ME1: variants seen among roughly 807,000 people sequenced by gnomAD.
ME1 encodes the protein NADP-dependent malic enzyme.
In ME1, 74 loss-of-function variants were observed where a neutral mutation model predicts 66.4. The observed-to-expected ratio is 1.11, with a 90% confidence interval of 0.92 to 1.35. ME1 has a LOEUF of 1.35. ME1 is among the 40% of genes most tolerant of loss of function. The pLI is 0.00. For missense variants in ME1, 750 were observed against 694.1 expected (o/e 1.08, Z -0.90); for synonymous variants, 251 against 235.6 (o/e 1.07, Z -0.60).
intron 6 of ME1, among the ~76,000 whole-genome samples, chr6:83,271,777 T>A (rs1399621563): frequency 6.6e-6 from 1 of 152,146 alleles, no homozygotes; most frequent in Non-Finnish European, 1.5e-5. Flanking sequence ...TGTAAAGACA[T>A]AGCAAGTTAT....
At chr6:83,361,450 C>T (rs776683832) in intron 3 of ME1, among the ~76,000 whole-genome samples, 61 of 152,162 alleles carry the variant, frequency 4.0e-4, no homozygotes, top group South Asian at 8.3e-4. Context: ...GAGTGGGGTC[C>T]AAAACAGGAA....
intron 6 of ME1, among the ~76,000 whole-genome samples, chr6:83,282,927 C>T (rs1199535014): frequency 3.9e-5 from 6 of 151,998 alleles, no homozygotes; most frequent in Admixed American, 3.3e-4. Context: ...TACTATGCAG[C>T]CATAAAAAAT....
At chr6:83,409,420 C>G (rs909232852) in intron 1 of ME1, among the ~76,000 whole-genome samples, 5 of 152,126 alleles carry the variant, frequency 3.3e-5, no homozygotes, top group Admixed American at 1.3e-4. Flanking sequence ...AAGTGTATTA[C>G]TAGAGGGAAA....
intron 6 of ME1, among the ~76,000 whole-genome samples, chr6:83,264,168 C>A (rs1766947086): frequency 6.6e-6 from 1 of 152,198 alleles, no homozygotes; most frequent in South Asian, 2.1e-4. Flanking sequence ...TCTGTCTGTG[C>A]TCTATAAATG....
intron 3 of ME1, among the ~76,000 whole-genome samples, chr6:83,393,608 C>CAA (rs11394593): frequency 3.4e-3 from 368 of 109,620 alleles, no homozygotes; most frequent in African/African-American, 0.01. Flanking sequence ...CTGTGCTTGC[C>CAA]AAAAAAAAAA....
chr6:83,344,941 T>C (rs1768660426), intron 5 of ME1, among the ~76,000 whole-genome samples: 1 of 151,692 alleles, frequency 6.6e-6, no homozygotes, highest in Admixed American at 6.6e-5. Context: ...ATGCAACTTA[T>C]CACATAACAA....
intron 6 of ME1, among the ~76,000 whole-genome samples, chr6:83,264,455 T>C (rs549466481): frequency 1.3e-5 from 2 of 152,322 alleles, no homozygotes; most frequent in African/African-American, 4.8e-5. Flanking sequence ...CCTAAAGTTA[T>C]TGCTACCCTA....
intron 9 of ME1, among the ~76,000 whole-genome samples, chr6:83,230,245 C>T (rs758266867): frequency 2.0e-5 from 3 of 151,632 alleles, no homozygotes; most frequent in East Asian, 1.9e-4. Flanking sequence ...GGCGCGATCT[C>T]GGCTCACCGC....
chr6:83,396,957 C>T (rs967904745), intron 3 of ME1, among the ~76,000 whole-genome samples: 1 of 151,814 alleles, frequency 6.6e-6, no homozygotes, highest in Non-Finnish European at 1.5e-5. Flanking sequence ...GAAATTAGAC[C>T]CTTATTTCAC....
At position 83,212,109 on chromosome 6, in the gene ME1, A is replaced by G. The variant is rs1171545133; in HGVS notation, c.1549-15T>C. On this transcript the variant is annotated splice_polypyrimidine_tract_variant and intron_variant, in intron 13 of 13. Transcript: ENST00000369705. ...TCTTTCACAATCTAGATATAAGAAAAGAATATTAATTATTTTAATAAATAG... is the reference window on the plus strand; with the variant it reads ...TCTTTCACAATCTAGATATAAGAAAGGAATATTAATTATTTTAATAAATAG... 1.0e-5 allele frequency: 16 copies of G among 1,562,162 alleles called. No homozygotes were observed. Among genetic ancestry groups the G allele is most frequent in the Non-Finnish European group, 1.2e-5 (14 of 1,148,000 alleles).
At chr6:83,289,512 G>A (rs1424999108) in intron 6 of ME1, among the ~76,000 whole-genome samples, 2 of 151,924 alleles carry the variant, frequency 1.3e-5, no homozygotes, top group African/African-American at 4.8e-5. Flanking sequence ...ACTTGATCGT[G>A]GTGGATAAGC....
At chr6:83,334,092 C>T (rs1375007143) in intron 5 of ME1, among the ~76,000 whole-genome samples, 1 of 152,128 alleles carries the variant, frequency 6.6e-6, no homozygotes, top group African/African-American at 2.4e-5. Flanking sequence ...ACAGTGGGCG[C>T]AGGCCAGTGT....
At chr6:83,305,567 GC>G (rs146277683) in intron 6 of ME1, among the ~76,000 whole-genome samples, 8,532 of 152,204 alleles carry the variant, frequency 0.056, 455 homozygotes, top group African/African-American at 0.13. Flanking sequence ...TAAGGAACAT[GC>G]CTTGAGAGTT....
At chr6:83,375,892 A>G (rs1419104888) in intron 3 of ME1, among the ~76,000 whole-genome samples, 2 of 152,192 alleles carry the variant, frequency 1.3e-5, no homozygotes, top group African/African-American at 4.8e-5. Context: ...GTAATGGATT[A>G]CATTAATTGA....
intron 6 of ME1, among the ~76,000 whole-genome samples, chr6:83,314,729 T>A (rs889256671): frequency 6.6e-6 from 1 of 152,180 alleles, no homozygotes; most frequent in Admixed American, 6.5e-5. Context: ...GTGATTTGGA[T>A]AAGAGACTCT....
At chr6:83,350,971 CAAAAAAAAAAAAA>C (rs34259968) in intron 4 of ME1, among the ~76,000 whole-genome samples, 3 of 55,784 alleles carry the variant, frequency 5.4e-5, no homozygotes, top group South Asian at 1.0e-3. Context: ...GTGGAGAAAG[CAAAAAAAAAAAAA>C]AAAAAAAAAA....
rs746831545 is a variant in ME1, at chr6:83,212,058, C to A, written c.1585G>T (p.Val529Phe). The change falls in exon 14 of 14, where the codon GTT becomes TTT. Residue 529 changes from valine (V) to phenylalanine (F), a missense_variant. Physicochemically the swap from Val to Phe is conservative, Grantham distance 50. Transcript: ENST00000369705. ...TCTTTGTTTTGCGGTTCAGGATAAA[C>A]TGTGGCTGTCTTTTCTTGGTATGCA... Reference protein sequence around the residue: ...KDAYQEKTATVYPEPQNKEAF... With the variant: ...KDAYQEKTATFYPEPQNKEAF... 3 of 1,609,714 alleles carry A rather than the reference C, an allele frequency of 1.9e-6. No individual in the cohort carries two copies. The highest frequency in any genetic ancestry group is 2.5e-6 in the Non-Finnish European group (3 of 1,177,304).
chr6:83,429,287 A>C (rs1012953756), intron 1 of ME1, among the ~76,000 whole-genome samples: 1 of 151,944 alleles, frequency 6.6e-6, no homozygotes, highest in African/African-American at 2.4e-5. Context: ...ATAATAATAA[A>C]TTCTTGATGT....
chr6:83,359,164 G>A (rs561906422), intron 3 of ME1, among the ~76,000 whole-genome samples: 132 of 151,952 alleles, frequency 8.7e-4, no homozygotes, highest in African/African-American at 3.1e-3. Flanking sequence ...CAGACAGGGT[G>A]GTCGGGCAGA....
Sources: gnomAD v4.1 joint callset for allele counts (sites outside exome capture counted in the v4.1 genomes callset) on GRCh38, gnomAD v4.1.1 for gene constraint, MANE v1.5 for transcripts, NCBI Gene and HGNC (gene_info 2026-07-23, HGNC 2026-07-21) for gene names.